Variants in MERTK observed in about 807,000 individuals in gnomAD.
MERTK encodes tyrosine-protein kinase Mer.
In MERTK, 69 loss-of-function variants were observed where a neutral mutation model predicts 99.3. The observed-to-expected ratio is 0.70, with a 90% CI of 0.57 to 0.85. The LOEUF (loss-of-function observed/expected upper bound fraction) is 0.85. Ranked by LOEUF, MERTK falls within the 40% of genes least tolerant of loss-of-function variation. The pLI, the probability that MERTK is intolerant of heterozygous loss-of-function variation, is 0.00. For synonymous variants in MERTK, 426 were observed against 467.6 expected, an observed-to-expected ratio of 0.91 and a Z score of 1.15; for missense variants, 1,125 against 1,249.4, an observed-to-expected ratio of 0.90 and a Z score of 1.50.
chr2:111,969,689 C>CTTTT (rs35055243), intron 6 of MERTK, among the ~76,000 whole-genome samples: 3 of 119,178 alleles, frequency 2.5e-5, no homozygotes, highest in East Asian at 2.2e-4. Flanking sequence ...TCCAGCCTTT[C>CTTTT]TTTTTTTTTT....
rs77188272 is a variant in MERTK, at chr2:111,986,206, T to G, written c.1296+3213T>G. 5.5e-3 allele frequency among the ~76,000 whole-genome samples: 831 copies of G among 152,360 alleles called. 9 individuals carry two copies. Among genetic ancestry groups the G allele is most frequent in the African/African-American group, 0.019 (802 of 41,580 alleles). On this transcript the variant is annotated intron_variant, in intron 8 of 18. Coordinates refer to ENST00000295408, the MANE Select transcript of MERTK (RefSeq NM_006343.3). Reference sequence around the variant, plus strand: ...AATTCATTTTAAGTAGCAATCCTGCTTAAAAGTCACAGCTGCGAGAGAAGC... The same window carrying G: ...AATTCATTTTAAGTAGCAATCCTGCGTAAAAGTCACAGCTGCGAGAGAAGC...
chr2:111,971,594 G>A (rs1676120759), intron 6 of MERTK, among the ~76,000 whole-genome samples: 1 of 152,102 alleles, frequency 6.6e-6, no homozygotes, highest in African/African-American at 2.4e-5. Context: ...TATTTAAATT[G>A]TCACATAATT....
intron 8 of MERTK, 123 bp downstream of exon 8, chr2:111,983,116 C>T: frequency 2.8e-6 from 3 of 1,067,040 alleles, no homozygotes; most frequent in South Asian, 1.3e-5. Context: ...GGCAAGGCAC[C>T]TTTCAGGGGA....
At chr2:111,981,891 A>G (rs949330271) in intron 7 of MERTK, among the ~76,000 whole-genome samples, 27 of 152,122 alleles carry the variant, frequency 1.8e-4, no homozygotes, top group Non-Finnish European at 2.9e-4. Flanking sequence ...AATGCCACCA[A>G]GCTGATCTCT....
chr2:112,026,444 C>T (rs1411401354), intron 18 of MERTK, among the ~76,000 whole-genome samples: 1 of 152,140 alleles, frequency 6.6e-6, no homozygotes, highest in Non-Finnish European at 1.5e-5. Context: ...TGTCTCAAAG[C>T]TCATCTTAGA....
intron 14 of MERTK, 101 bp downstream of exon 14, chr2:112,008,576 A>G (rs764473300): frequency 8.1e-6 from 7 of 863,854 alleles, no homozygotes; most frequent in Non-Finnish European, 1.2e-5. Flanking sequence ...TACACTTCGT[A>G]TAACCCCAAC....
In MERTK at chr2:111,940,202, G is replaced by A. The variant is rs531008885; in HGVS notation, c.483-4758G>A. ...CTCAATTTTCTGGGATTCCTCCCCC[G>A]AGAATGTGATATATTGATTTCCAAA... is the stretch of plus-strand genomic sequence containing the variant. On this transcript the variant is annotated intron_variant, in intron 2 of 18. Coordinates refer to ENST00000295408, the MANE Select transcript of MERTK (RefSeq NM_006343.3). The A allele has an allele frequency of 1.1e-4, 21 of 194,892 alleles. No homozygotes were observed. In the South Asian group the frequency reaches 1.9e-3, roughly 17 times the overall value. 12.1% of individuals were successfully genotyped at this position (194,892 alleles called of 1,614,324 possible). A position where few individuals can be genotyped will look rare whatever the true frequency, so the allele number is the denominator to read the frequency against.
chr2:111,981,112 C>T (rs1676363555), intron 7 of MERTK, among the ~76,000 whole-genome samples: 1 of 152,156 alleles, frequency 6.6e-6, no homozygotes, highest in South Asian at 2.1e-4. Context: ...ATTTTAACTT[C>T]ATGATTACTG....
intron 8 of MERTK, among the ~76,000 whole-genome samples, chr2:111,983,946 C>G (rs183504266): frequency 2.4e-4 from 37 of 152,292 alleles, no homozygotes; most frequent in African/African-American, 8.9e-4. Flanking sequence ...AGTCAAGATT[C>G]TTTAGAGAAA....
chr2:111,905,515 T>C (rs1245815041), intron 1 of MERTK, among the ~76,000 whole-genome samples: 2 of 138,280 alleles, frequency 1.4e-5, no homozygotes, highest in Non-Finnish European at 3.0e-5. Flanking sequence ...CTCAGCTTAC[T>C]GCAGCCTCCT....
intron 18 of MERTK, among the ~76,000 whole-genome samples, chr2:112,024,646 A>G (rs1046676498): frequency 3.3e-5 from 5 of 152,252 alleles, no homozygotes; most frequent in African/African-American, 1.2e-4. Context: ...AAATGAACTC[A>G]GGCTGAGTGC....
At chr2:111,944,533 A>ATTCCTTAAAATAATTTTTCTGTTTTAAG (rs1265922025) in intron 2 of MERTK, among the ~76,000 whole-genome samples, 1 of 151,258 alleles carries the variant, frequency 6.6e-6, no homozygotes, top group Non-Finnish European at 1.5e-5. Context: ...TTAAGGAATT[A>ATTCCTTAAAATAATTTTTCTGTTTTAAG]GCTCACACAC....
chr2:112,028,697 C>G lies in MERTK; in HGVS notation c.2833C>G (p.Pro945Ala). The change falls in exon 19 of 19, where the codon CCC becomes GCC. Residue 945 changes from proline to alanine, a missense_variant. Transcript: ENST00000295408. ...SEEWEDLTSA[P>A]SAAVTAEKNS... ...GGAATGGGAAGATCTGACTTCTGCC[C>G]CCTCTGCTGCAGTCACAGCTGAAAA... 1 of 1,614,200 alleles carries G rather than the reference C, an allele frequency of 6.2e-7. No individual in the cohort carries two copies. Among genetic ancestry groups the G allele is most frequent in the Non-Finnish European group, 8.5e-7 (1 of 1,180,048 alleles).
intron 6 of MERTK, among the ~76,000 whole-genome samples, chr2:111,974,583 G>T (rs542368499): frequency 6.6e-6 from 1 of 151,610 alleles, no homozygotes; most frequent in African/African-American, 2.4e-5. Flanking sequence ...CAGCATGGCC[G>T]ACATAGTGAA....
intron 1 of MERTK, among the ~76,000 whole-genome samples, chr2:111,901,615 G>T (rs938478986): frequency 6.7e-6 from 1 of 148,840 alleles, no homozygotes. Flanking sequence ...GAGTGCAGTG[G>T]CACCATCACG....
chr2:111,966,859 C>T (rs543635964), intron 5 of MERTK, among the ~76,000 whole-genome samples: 1 of 152,268 alleles, frequency 6.6e-6, no homozygotes, highest in African/African-American at 2.4e-5. Flanking sequence ...CCAGGGCACG[C>T]TTGATATGGT....
intron 2 of MERTK, among the ~76,000 whole-genome samples, chr2:111,929,859 C>T (rs934885792): frequency 6.6e-5 from 10 of 152,080 alleles, no homozygotes; most frequent in African/African-American, 2.2e-4. Context: ...CCTAGGCCTC[C>T]CAAAGTGCTG....
intron 3 of MERTK, among the ~76,000 whole-genome samples, chr2:111,945,764 C>T (rs1684951186): frequency 1.3e-5 from 2 of 152,172 alleles, no homozygotes; most frequent in Admixed American, 1.3e-4. Flanking sequence ...GGTTTGCATG[C>T]CTGGTTCTGC....
intron 9 of MERTK, chr2:111,994,667 T>A (rs1353042004): frequency 6.6e-6 from 3 of 457,350 alleles, no homozygotes; most frequent in Non-Finnish European, 1.2e-5. Flanking sequence ...TTGTCCCAGC[T>A]ACTTGGGAGG....
Sources: gnomAD v4.1 joint callset for allele counts (sites outside exome capture counted in the v4.1 genomes callset) on GRCh38, gnomAD v4.1.1 for gene constraint, MANE v1.5 for transcripts, NCBI Gene and HGNC (gene_info 2026-07-23, HGNC 2026-07-21) for gene names.